ARHGAP29: variants seen among roughly 807,000 people sequenced by gnomAD.
ARHGAP29 encodes the protein rho GTPase-activating protein 29.
ARHGAP29 carries 43 observed loss-of-function variants against 122.6 expected under a neutral mutation model. That is an observed-to-expected ratio of 0.35 (90% CI 0.27 to 0.45). The LOEUF is 0.45. Ranked by LOEUF, ARHGAP29 falls within the 20% of genes least tolerant of loss-of-function variation. The pLI is 1.00. For synonymous variants in ARHGAP29, 506 were observed against 497.1 expected, an observed-to-expected ratio of 1.02 and a Z score of -0.24; for missense variants, 1,303 against 1,477.2, an observed-to-expected ratio of 0.88 and a Z score of 1.93.
upstream of ARHGAP29, among the ~76,000 whole-genome samples, chr1:94,278,448 A>G (rs766420854): frequency 6.6e-6 from 1 of 152,250 alleles, no homozygotes; most frequent in Non-Finnish European, 1.5e-5. Context: ...ACTGTTTGAG[A>G]TTCATAAAAT....
intron 1 of ARHGAP29, among the ~76,000 whole-genome samples, chr1:94,243,880 T>C (rs1653695693): frequency 6.7e-6 from 1 of 149,370 alleles, no homozygotes; most frequent in Admixed American, 6.7e-5. Context: ...GATAAAAGGA[T>C]ACAAGGGAAT....
At position 94,262,363 on chromosome 1, in the gene ARHGAP29, G is replaced by A. The variant is rs370033150; in HGVS notation, c.-33+12649C>T. Among the ~76,000 whole-genome samples, 10 of 152,066 alleles carry A rather than the reference G, an allele frequency of 6.6e-5. No homozygotes were observed. In the East Asian group the frequency reaches 1.5e-3, roughly 23 times the overall value. On this transcript the variant is annotated intron_variant and NMD_transcript_variant, in intron 1 of 25. Coordinates refer to the ARHGAP29 transcript ENST00000552844. Reference sequence around the variant, plus strand: ...TAGGAGAGGGAAAAGATTTCATGACGAAGATGACAAAAGCTATTGCAACGA... The same window carrying A: ...TAGGAGAGGGAAAAGATTTCATGACAAAGATGACAAAAGCTATTGCAACGA...
the ARHGAP29 span, among the ~76,000 whole-genome samples, chr1:94,299,191 GT>G: frequency 6.6e-6 from 1 of 152,156 alleles, no homozygotes; most frequent in Non-Finnish European, 1.5e-5. Context: ...TCTCACCACT[GT>G]TTTGATCAGT....
chr1:94,247,814 C>G (rs1444186359), intron 1 of ARHGAP29: 1 of 279,214 alleles, frequency 3.6e-6, no homozygotes, highest in East Asian at 1.8e-4. Context: ...GGCCCGCGCT[C>G]CCGGGGGGCG....
Position 94,237,584 on chromosome 1 carries a change from T to C in ARHGAP29, c.-202A>G. On this transcript the variant is annotated 5_prime_UTR_variant, in exon 1 of 23. Coordinates refer to ENST00000260526, the MANE Select transcript of ARHGAP29 (RefSeq NM_004815.4). ...CCACAGCCACAGGCACCACCACCAC[T>C]GCAGCCGCCACCGCCCCTGCAGCTA... is the stretch of plus-strand genomic sequence containing the variant. The C allele has an allele frequency of 3.0e-6, 3 of 989,242 alleles. No homozygotes were observed. The highest frequency in any genetic ancestry group is 4.5e-5 in the South Asian group (1 of 22,216). 61.3% of individuals were successfully genotyped at this position (989,242 alleles called of 1,614,324 possible).
In ARHGAP29 at chr1:94,173,194, T is replaced by C. The variant is rs1262756653; in HGVS notation, c.*675A>G. On this transcript the variant is annotated 3_prime_UTR_variant, in exon 23 of 23. Transcript: ENST00000260526. ...ATATAATATAACTGAATATATAATT[T>C]AGAAACAGGTTTAAGTGCATTTTCT... The C allele has an allele frequency of 6.6e-6, 1 of 152,630 alleles. No individual in the cohort carries two copies. Among genetic ancestry groups the C allele is most frequent in the Non-Finnish European group, 1.5e-5 (1 of 68,022 alleles). The allele number at this position is 152,630 out of a possible 1,614,324, so 9.5% of individuals were successfully genotyped here. A position where few individuals can be genotyped will look rare whatever the true frequency, so the allele number is the denominator to read the frequency against.
chr1:94,206,229 G>A (rs1290549072), intron 5 of ARHGAP29, among the ~76,000 whole-genome samples: 1 of 152,178 alleles, frequency 6.6e-6, no homozygotes, highest in African/African-American at 2.4e-5. Flanking sequence ...TGACTAGGAG[G>A]TGGAAGTGAA....
At chr1:94,197,440 A>G (rs1650545900) in intron 12 of ARHGAP29, among the ~76,000 whole-genome samples, 1 of 152,240 alleles carries the variant, frequency 6.6e-6, no homozygotes, top group African/African-American at 2.4e-5. Flanking sequence ...AAACTTTTAA[A>G]GAAGAAATAA....
chr1:94,187,724 T>C (rs973136676), intron 15 of ARHGAP29, among the ~76,000 whole-genome samples: 4 of 152,152 alleles, frequency 2.6e-5, no homozygotes, highest in Non-Finnish European at 5.9e-5. Flanking sequence ...GGATCCTAAA[T>C]AATTTGGGGC....
chr1:94,193,276 A>G (rs1030499695), intron 12 of ARHGAP29: 3 of 151,750 alleles, frequency 2.0e-5, no homozygotes, highest in Middle Eastern at 3.2e-3. Context: ...AGCTTTGGGG[A>G]AAAAACAGAG....
At chr1:94,179,123 CTA>C (rs1020217274) in intron 20 of ARHGAP29, among the ~76,000 whole-genome samples, 17 of 152,196 alleles carry the variant, frequency 1.1e-4, no homozygotes, top group Admixed American at 1.0e-3. Context: ...GGCTGAAACC[CTA>C]TGTTTTCATC....
intron 3 of ARHGAP29, among the ~76,000 whole-genome samples, chr1:94,212,546 A>G (rs996310543): frequency 4.6e-5 from 7 of 152,238 alleles, no homozygotes; most frequent in African/African-American, 1.7e-4. Flanking sequence ...AATAGTTTAT[A>G]ACCCTATCCA....
At chr1:94,216,207 T>C (rs1054608539) in intron 3 of ARHGAP29, among the ~76,000 whole-genome samples, 1 of 152,222 alleles carries the variant, frequency 6.6e-6, no homozygotes, top group African/African-American at 2.4e-5. Context: ...GCACTGTTTG[T>C]AATAGGAAAA....
upstream of ARHGAP29, among the ~76,000 whole-genome samples, chr1:94,241,442 C>G (rs1427475659): frequency 1.3e-5 from 2 of 151,662 alleles, no homozygotes; most frequent in Admixed American, 1.3e-4. Context: ...ATGGTGAAAC[C>G]CCATTTCTAC....
intron 19 of ARHGAP29, among the ~76,000 whole-genome samples, chr1:94,182,883 A>G (rs953695700): frequency 1.3e-5 from 2 of 152,208 alleles, no homozygotes; most frequent in Admixed American, 6.5e-5. Flanking sequence ...TCCTCATAAA[A>G]GAGGAGAAGG....
chr1:94,294,854 A>G, the ARHGAP29 span, among the ~76,000 whole-genome samples: 1 of 152,232 alleles, frequency 6.6e-6, no homozygotes, highest in African/African-American at 2.4e-5. Context: ...AAGAGTTTTG[A>G]GAAGAAAACA....
the ARHGAP29 span, among the ~76,000 whole-genome samples, chr1:94,284,442 C>T: frequency 2.0e-5 from 3 of 152,284 alleles, no homozygotes; most frequent in East Asian, 5.8e-4. Context: ...GATTATATTA[C>T]TGTTCACCCT....
upstream of ARHGAP29, chr1:94,237,609 A>T (rs1429867973): frequency 1.0e-6 from 1 of 987,408 alleles, no homozygotes; most frequent in Non-Finnish European, 1.2e-6. Flanking sequence ...CCCTGCAGCT[A>T]CCGCCACGGC....
Position 94,169,392 on chromosome 1 carries a change from C to T in ARHGAP29, c.*4477G>A, listed in dbSNP as rs956284175. 6.6e-5 allele frequency among the ~76,000 whole-genome samples: 10 copies of T among 151,986 alleles called. No homozygotes were observed. Among genetic ancestry groups the T allele is most frequent in the Non-Finnish European group, 1.3e-4 (9 of 67,994 alleles). On this transcript the variant is annotated 3_prime_UTR_variant, in exon 23 of 23. Coordinates refer to ENST00000260526, the MANE Select transcript of ARHGAP29 (RefSeq NM_004815.4). ...GCGGATTTATTTGGCATATTTGGGA[C>T]TGGGTGTGATGAGACAGCAGCTGGC...
Sources: allele counts gnomAD v4.1 joint callset (sites outside exome capture counted in the v4.1 genomes callset), GRCh38; gene constraint gnomAD v4.1.1; transcripts MANE v1.5; gene names NCBI Gene and HGNC (gene_info 2026-07-23, HGNC 2026-07-21).